ZXDC: variants seen among roughly 807,000 people sequenced by gnomAD.
The protein encoded by ZXDC is ZXD family zinc finger C, also known as zinc finger protein ZXDC.
A neutral mutation model predicts 63.6 loss-of-function variants in ZXDC; 58 were observed. The ratio of observed to expected loss-of-function variants is 0.91; its 90% CI spans 0.74 to 1.13. ZXDC has a LOEUF of 1.13. Among genes scored for constraint, ZXDC ranks in the 50% most tolerant of loss-of-function variants. ZXDC has a pLI of 0.00. For synonymous variants in ZXDC, 561 were observed against 496.1 expected (o/e 1.13, Z -1.74); for missense variants, 1,133 against 1,148.9 (o/e 0.99, Z 0.20).
intron 7 of ZXDC, chr3:126,442,482 T>C (rs1051955432): frequency 7.2e-5 from 11 of 152,184 alleles, no homozygotes; most frequent in Non-Finnish European, 1.6e-4. Context: ...TTAACACCCA[T>C]AACAAACCCA....
At chr3:126,440,102 A>G (rs1364468638) in intron 8 of ZXDC, 73 of 1,034,412 alleles carry the variant, frequency 7.1e-5, no homozygotes, top group Non-Finnish European at 8.0e-5. Flanking sequence ...TCTCCAGCAA[A>G]TCCTCGGGCC....
intron 7 of ZXDC, among the ~76,000 whole-genome samples, chr3:126,457,845 G>A (rs545695932): frequency 5.4e-4 from 82 of 152,210 alleles, no homozygotes; most frequent in African/African-American, 1.9e-3. Flanking sequence ...CACCTGCAGC[G>A]GAGTTTTACC....
intron 6 of ZXDC, chr3:126,461,325 TG>T: frequency 7.3e-7 from 1 of 1,370,684 alleles, no homozygotes. Flanking sequence ...AATCTCCTTA[TG>T]CAGGAAATAA....
At chr3:126,442,056 T>C in intron 7 of ZXDC, 110 bp from the exon 8 acceptor site, 1 of 1,289,860 alleles carries the variant, frequency 7.8e-7, no homozygotes, top group Non-Finnish European at 1.0e-6. Context: ...ATTGTCATTC[T>C]GCACAGCTAA....
At chr3:126,447,507 T>C (rs983209392) in intron 7 of ZXDC, among the ~76,000 whole-genome samples, 2 of 152,218 alleles carry the variant, frequency 1.3e-5, no homozygotes, top group Admixed American at 1.3e-4. Flanking sequence ...TAAGTAATCA[T>C]CATTCTCTCC....
intron 3 of ZXDC, among the ~76,000 whole-genome samples, chr3:126,471,363 C>T (rs546155400): frequency 6.6e-6 from 1 of 152,330 alleles, no homozygotes; most frequent in East Asian, 1.9e-4. Flanking sequence ...AACAAGCTTT[C>T]CGAGCGACAG....
chr3:126,475,474 A>C lies in ZXDC; in HGVS notation c.392T>G (p.Ile131Ser). 1 of 1,212,736 alleles carries C rather than the reference A, an allele frequency of 8.2e-7. No homozygotes were observed. Among genetic ancestry groups the C allele is most frequent in the South Asian group, 3.6e-5 (1 of 27,744 alleles). The allele number at this position is 1,212,736 out of a possible 1,614,324, so 75.1% of individuals were successfully genotyped here. A position where few individuals can be genotyped will look rare whatever the true frequency, so the allele number is the denominator to read the frequency against. Residue 131 changes from isoleucine (I) to serine (S), a missense_variant, in exon 1 of 10, where the codon ATC becomes AGC. Coordinates refer to ENST00000389709, the MANE Select transcript of ZXDC (RefSeq NM_025112.5). ...PGVAPAGAVT[I>S]SSQDLLVRLD... ...ACGCACCAGCAGGTCCTGGCTGCTG[A>C]TGGTGACGGCGCCCGCCGGGGCTAC...
Position 126,461,545 on chromosome 3 carries a change from T to G in ZXDC, c.2117A>C (p.Asn706Thr). The G allele has an allele frequency of 6.2e-7, 1 of 1,608,526 alleles. No homozygotes were observed. Among genetic ancestry groups the G allele is most frequent in the Non-Finnish European group, 8.5e-7 (1 of 1,175,898 alleles). Residue 706 changes from asparagine (N) to threonine (T), a missense_variant, in exon 6 of 10, where the codon AAC becomes ACC. By Grantham distance (65) the Asn-to-Thr change is moderately conservative. Transcript: ENST00000389709. ...TAGAGTGCTTCATACCAAATAGAAG[T>G]TGCCAGTGCCTGCACTGAGCTCTGT... ...QDTELSAGTG[N>T]FYLESGGSAR...
intron 8 of ZXDC, chr3:126,439,935 A>T: frequency 7.1e-7 from 1 of 1,404,932 alleles, no homozygotes; most frequent in Non-Finnish European, 9.2e-7. Context: ...TGTCACCTTG[A>T]TCCCAGCAGC....
rs777527261 is a variant in ZXDC, at chr3:126,475,507, C to A, written c.359G>T (p.Gly120Val). ...QGPSGPAAPP[G>V]PGVAPAGAVT... is the part of the protein sequence containing the mutation. The stretch of plus-strand genomic sequence containing the variant: ...GGCGCCCGCCGGGGCTACGCCAGGG[C>A]CGGGGGGGGCGGCCGGGCCGCTGGG... Residue 120 changes from glycine (G) to valine (V), a missense_variant, in exon 1 of 10, where the codon GGC (glycine) becomes GTC (valine). Coordinates refer to ENST00000389709, the MANE Select transcript of ZXDC (RefSeq NM_025112.5). 2 of 1,244,168 alleles carry A rather than the reference C, an allele frequency of 1.6e-6. No individual in the cohort carries two copies. The highest frequency in any genetic ancestry group is 2.0e-6 in the Non-Finnish European group (2 of 996,978). The allele number at this position is 1,244,168 out of a possible 1,614,324, so 77.1% of individuals were successfully genotyped here.
intron 4 of ZXDC, among the ~76,000 whole-genome samples, chr3:126,470,133 C>A (rs1934925971): frequency 6.6e-6 from 1 of 152,152 alleles, no homozygotes; most frequent in Admixed American, 6.5e-5. Context: ...ATGAACTGAG[C>A]CTTCAGTGTT....
At chr3:126,440,083 C>A (rs1933618361) in intron 8 of ZXDC, 2 of 1,089,318 alleles carry the variant, frequency 1.8e-6, no homozygotes, top group Non-Finnish European at 1.1e-6. Context: ...CCTTGTGTAC[C>A]CAGAGTGCTC....
rs373486053 is a variant in ZXDC, at chr3:126,462,039, G to C, written c.1623C>G (p.Asp541Glu). 1.2e-6 allele frequency: 2 copies of C among 1,614,108 alleles called. No homozygotes were observed. The highest frequency in any genetic ancestry group is 1.1e-5 in the South Asian group (1 of 91,080). The change falls in exon 6 of 10, where the codon GAC becomes GAG. Residue 541 changes from aspartate to glutamate, a missense_variant. Physicochemically the swap from Asp to Glu is conservative, Grantham distance 45. Coordinates refer to ENST00000389709, the MANE Select transcript of ZXDC (RefSeq NM_025112.5). ...EALNSGILTI[D>E]VTSVSSSLGG... ...CCAGAGAGGAGCTCACAGAAGTGAC[G>C]TCAATAGTCAGGATTCCGGAGTTCA...
intron 1 of ZXDC, among the ~76,000 whole-genome samples, chr3:126,473,346 A>G (rs1262014171): frequency 6.6e-6 from 1 of 152,096 alleles, no homozygotes; most frequent in Non-Finnish European, 1.5e-5. Flanking sequence ...TCCCTGGCTC[A>G]GGCCTTCAGA....
intron 8 of ZXDC, chr3:126,440,952 G>A (rs1341453410): frequency 1.2e-5 from 12 of 985,496 alleles, no homozygotes; most frequent in South Asian, 9.4e-5. Flanking sequence ...TCCACCCTCC[G>A]CACTTCCGTG....
At chr3:126,443,019 C>G (rs1016039042) in intron 7 of ZXDC, 1 of 152,284 alleles carries the variant, frequency 6.6e-6, no homozygotes, top group Non-Finnish European at 1.5e-5. Context: ...CCGCAGTGCC[C>G]TGGGTCCCGG....
intron 5 of ZXDC, among the ~76,000 whole-genome samples, chr3:126,464,611 T>C (rs1056937148): frequency 1.3e-5 from 2 of 151,986 alleles, no homozygotes; most frequent in African/African-American, 2.4e-5. Context: ...CCCACTAGAG[T>C]TTAAGGAAAG....
intron 6 of ZXDC, chr3:126,460,150 T>C: frequency 1.0e-6 from 1 of 985,286 alleles, no homozygotes; most frequent in Non-Finnish European, 1.2e-6. Context: ...AGGTCCCACC[T>C]TAGAGACCCA....
At chr3:126,473,667 G>A (rs1281860756) in intron 1 of ZXDC, among the ~76,000 whole-genome samples, 1 of 152,228 alleles carries the variant, frequency 6.6e-6, no homozygotes, top group Non-Finnish European at 1.5e-5. Flanking sequence ...GAATGCGCAA[G>A]ACAGTCCACA....
Sources: allele counts gnomAD v4.1 joint callset (sites outside exome capture counted in the v4.1 genomes callset), GRCh38; gene constraint gnomAD v4.1.1; transcripts MANE v1.5; gene names NCBI Gene and HGNC (gene_info 2026-07-23, HGNC 2026-07-21).